Variants in RNU12 observed in about 807,000 individuals in gnomAD.
The protein encoded by RNU12 is RNA, U12 small nuclear 1.
chr22:42,615,322 T>C (rs1483502552), exon 1 of RNU12: 1 of 173,850 alleles, frequency 5.8e-6, no homozygotes, highest in Non-Finnish European at 1.2e-5. Context: ...AGACGAATTT[T>C]TGAGCGGGTA....
At chr22:42,615,335 G>A (rs1044728255) in exon 1 of RNU12, 4 of 170,510 alleles carry the variant, frequency 2.3e-5, no homozygotes, top group Non-Finnish European at 5.1e-5. Flanking sequence ...AGCGGGTAAA[G>A]GTCGCCCTCA....
chr22:42,615,289 C>G (rs28362630), exon 1 of RNU12: 8 of 206,248 alleles, frequency 3.9e-5, no homozygotes, highest in East Asian at 3.5e-4. Flanking sequence ...CGGGGTGACG[C>G]CCGAATCCTC....
At chr22:42,615,289 C>T (rs28362630) in exon 1 of RNU12, 28 of 206,248 alleles carry the variant, frequency 1.4e-4, no homozygotes, top group East Asian at 8.8e-4. Flanking sequence ...CGGGGTGACG[C>T]CCGAATCCTC....
chr22:42,615,316 G>T lies in RNU12; in HGVS notation n.73G>T, dbSNP rs150936838. Reference sequence around the variant, plus strand: ...CGAATCCTCACTGCTAATGTGAGACGAATTTTTGAGCGGGTAAAGGTCGCC... The same window carrying T: ...CGAATCCTCACTGCTAATGTGAGACTAATTTTTGAGCGGGTAAAGGTCGCC... On this transcript the variant is annotated non_coding_transcript_exon_variant, in exon 1 of 1. Coordinates refer to ENST00000362512, the Ensembl canonical transcript of RNU12. The T allele has an allele frequency of 4.6e-5, 8 of 174,694 alleles. No homozygotes were observed. The East Asian group carries it at 9.3e-4, about 20-fold the overall frequency. The allele number at this position is 174,694 out of a possible 1,614,324, so 10.8% of individuals were successfully genotyped here.
At chr22:42,615,255 T>G in exon 1 of RNU12, 1 of 219,078 alleles carries the variant, frequency 4.6e-6, no homozygotes, top group Non-Finnish European at 9.3e-6. Context: ...TGCCTTAAAC[T>G]TATGAGTAAG....
At chr22:42,615,321 T>C (rs1030660257) in exon 1 of RNU12, 1 of 173,810 alleles carries the variant, frequency 5.8e-6, no homozygotes, top group Non-Finnish European at 1.2e-5. Context: ...GAGACGAATT[T>C]TTGAGCGGGT....
chr22:42,615,325 A>AT (rs1277110046), exon 1 of RNU12: 2 of 174,000 alleles, frequency 1.1e-5, no homozygotes, highest in African/African-American at 2.4e-5. Context: ...CGAATTTTTG[A>AT]GCGGGTAAAG....
exon 1 of RNU12, chr22:42,615,375 G>A (rs192013896): frequency 1.5e-4 from 24 of 157,012 alleles, no homozygotes; most frequent in Middle Eastern, 3.3e-3. Flanking sequence ...CGGGATGCCT[G>A]GGAGTTGCGA....
exon 1 of RNU12, chr22:42,615,247 C>T (rs531211319): frequency 8.6e-5 from 20 of 233,442 alleles, no homozygotes; most frequent in East Asian, 3.0e-4. Context: ...CGTCCTTATG[C>T]CTTAAACTTA....
chr22:42,615,288 G>T (rs764317946), exon 1 of RNU12: 19 of 205,552 alleles, frequency 9.2e-5, no homozygotes, highest in South Asian at 1.6e-4. Flanking sequence ...TCGGGGTGAC[G>T]CCCGAATCCT....
At chr22:42,615,288 G>A (rs764317946) in exon 1 of RNU12, 17 of 205,552 alleles carry the variant, frequency 8.3e-5, no homozygotes, top group South Asian at 1.6e-4. Context: ...TCGGGGTGAC[G>A]CCCGAATCCT....
exon 1 of RNU12, chr22:42,615,303 G>A (rs575604944): frequency 1.1e-4 from 20 of 186,966 alleles, no homozygotes; most frequent in East Asian, 9.1e-4. Flanking sequence ...AATCCTCACT[G>A]CTAATGTGAG....
exon 1 of RNU12, chr22:42,615,301 C>CTGCTAATGTGAGACGAA: frequency 5.2e-6 from 1 of 193,878 alleles, no homozygotes; most frequent in South Asian, 6.3e-5. Flanking sequence ...CGAATCCTCA[C>CTGCTAATGTGAGACGAA]TGCTAATGTG....
exon 1 of RNU12, chr22:42,615,298 T>C: frequency 9.8e-6 from 2 of 204,650 alleles, no homozygotes; most frequent in South Asian, 5.5e-5. Context: ...GCCCGAATCC[T>C]CACTGCTAAT....
At chr22:42,615,341 C>T (rs140763661) in exon 1 of RNU12, 225 of 162,438 alleles carry the variant, frequency 1.4e-3, no homozygotes, top group East Asian at 2.3e-3. Context: ...TAAAGGTCGC[C>T]CTCAAGGTGA....
At chr22:42,615,349 T>G (rs970705789) in exon 1 of RNU12, 2 of 160,192 alleles carry the variant, frequency 1.2e-5, no homozygotes, top group East Asian at 1.9e-4. Flanking sequence ...GCCCTCAAGG[T>G]GACCCGCCTA....
At chr22:42,615,282 G>T (rs574320142) in exon 1 of RNU12, 12 of 205,816 alleles carry the variant, frequency 5.8e-5, no homozygotes, top group African/African-American at 1.9e-4. Flanking sequence ...AACGATTCGG[G>T]GTGACGCCCG....
chr22:42,615,256 T>A, exon 1 of RNU12: 1 of 217,062 alleles, frequency 4.6e-6, no homozygotes, highest in African/African-American at 2.4e-5. Context: ...GCCTTAAACT[T>A]ATGAGTAAGG....
chr22:42,615,270 A>T, exon 1 of RNU12: 1 of 207,842 alleles, frequency 4.8e-6, no homozygotes, highest in South Asian at 5.3e-5. Flanking sequence ...AGTAAGGAAA[A>T]TAACGATTCG....
Sources: allele counts gnomAD v4.1 joint callset, GRCh38; gene constraint gnomAD v4.1.1; transcripts MANE v1.5; gene names NCBI Gene and HGNC (gene_info 2026-07-23, HGNC 2026-07-21).